The following TRIM9 variants were observed in gnomAD, a reference collection of about 807,000 sequenced individuals.
TRIM9 encodes E3 ubiquitin-protein ligase TRIM9.
A neutral mutation model predicts 78.3 loss-of-function variants in TRIM9; 26 were observed. The observed-to-expected ratio is 0.33, with a 90% CI of 0.24 to 0.46. TRIM9 has a LOEUF of 0.46. Among genes scored for constraint, TRIM9 ranks in the 20% least tolerant of loss-of-function variants. The probability of loss-of-function intolerance (pLI) is 1.00; values close to 1 mark genes in which losing one functional copy is unlikely to be tolerated. For synonymous variants in TRIM9, 398 were observed against 416.5 expected, an observed-to-expected ratio of 0.96 and a Z score of 0.54; for missense variants, 787 against 1,036.4, an observed-to-expected ratio of 0.76 and a Z score of 3.30.
At chr14:51,006,830 T>C (rs931517682) in intron 5 of TRIM9, among the ~76,000 whole-genome samples, 1 of 152,164 alleles carries the variant, frequency 6.6e-6, no homozygotes, top group Non-Finnish European at 1.5e-5. Context: ...GTGTGCAGAC[T>C]TGAACAGACT....
chr14:51,045,270 T>C (rs1382899301), intron 1 of TRIM9, among the ~76,000 whole-genome samples: 1 of 152,212 alleles, frequency 6.6e-6, no homozygotes, highest in Non-Finnish European at 1.5e-5. Flanking sequence ...GAGTGAGATA[T>C]CAGAGTCATC....
intron 1 of TRIM9, among the ~76,000 whole-genome samples, chr14:51,052,371 A>G (rs1284581628): frequency 1.3e-5 from 2 of 152,218 alleles, no homozygotes; most frequent in Non-Finnish European, 2.9e-5. Flanking sequence ...CACCTCTTCA[A>G]AAACCTTTTT....
chr14:51,047,928 C>T (rs1469214444), intron 1 of TRIM9, among the ~76,000 whole-genome samples: 1 of 150,872 alleles, frequency 6.6e-6, no homozygotes, highest in Non-Finnish European at 1.5e-5. Flanking sequence ...CCACTGCACT[C>T]CAACCTGGGC....
At chr14:51,061,359 GC>G (rs2061339705) in intron 1 of TRIM9, among the ~76,000 whole-genome samples, 1 of 148,740 alleles carries the variant, frequency 6.7e-6, no homozygotes, top group Admixed American at 6.7e-5. Flanking sequence ...GTTGCAGTGA[GC>G]CGAGATCACA....
At chr14:50,998,028 G>A in intron 7 of TRIM9, 22 bp downstream of exon 7, 1 of 1,613,978 alleles carries the variant, frequency 6.2e-7, no homozygotes, top group Non-Finnish European at 8.5e-7. Flanking sequence ...TCGCTCTGAG[G>A]GATACTGCTG....
chr14:50,977,512 CCTATGGTAA>C (rs1446956451), intron 12 of TRIM9, among the ~76,000 whole-genome samples, 159 bp from the exon 13 acceptor site: 2 of 152,192 alleles, frequency 1.3e-5, no homozygotes, highest in Non-Finnish European at 2.9e-5. Context: ...AAGAATCCTG[CCTATGGTAA>C]CAGGCTGCTC....
intron 7 of TRIM9, among the ~76,000 whole-genome samples, chr14:50,995,337 C>G (rs536223077): frequency 6.6e-6 from 1 of 152,198 alleles, no homozygotes; most frequent in Admixed American, 6.5e-5. Flanking sequence ...AGGCTTGTTT[C>G]CTTTTCTAGC....
chr14:51,045,826 A>G (rs2059908543), intron 1 of TRIM9, among the ~76,000 whole-genome samples: 1 of 152,146 alleles, frequency 6.6e-6, no homozygotes, highest in Non-Finnish European at 1.5e-5. Flanking sequence ...TTAAAGACAG[A>G]CCTCAATTCA....
intron 1 of TRIM9, among the ~76,000 whole-genome samples, chr14:51,028,322 G>A (rs923790489): frequency 2.0e-4 from 31 of 152,182 alleles, no homozygotes; most frequent in African/African-American, 7.5e-4. Flanking sequence ...TAGAAATTGA[G>A]GAGACAATGA....
At position 51,094,367 on chromosome 14, in the gene TRIM9, A is replaced by T; in HGVS notation, c.573T>A (p.Asp191Glu). Residue 191 changes from aspartate to glutamate, a missense_variant, in exon 1 of 13, where the codon GAT becomes GAA. Around this residue, in one of 3 missense-constraint regions of TRIM9, gnomAD observed 352 missense variants for 472.3 expected, o/e 0.75. Transcript: ENST00000684578. ...MCEQCDVFYC[D>E]PCRLRCHPPR... ...GCGGGTGGCAGCGCAGGCGGCACGG[A>T]TCGCAGTAGAAGACATCGCACTGTT... 2 of 1,613,768 alleles carry T rather than the reference A, an allele frequency of 1.2e-6. No homozygotes were observed. Among genetic ancestry groups the T allele is most frequent in the Non-Finnish European group, 1.7e-6 (2 of 1,179,942 alleles).
intron 4 of TRIM9, 117 bp from the exon 5 acceptor site, chr14:51,009,350 G>C (rs2056267217): frequency 4.0e-6 from 5 of 1,252,060 alleles, no homozygotes; most frequent in Non-Finnish European, 5.6e-6. Context: ...CTCATACTCT[G>C]ACTGCCTCAG....
chr14:51,000,280 A>G (rs1041630322), intron 6 of TRIM9, among the ~76,000 whole-genome samples: 1 of 152,242 alleles, frequency 6.6e-6, no homozygotes, highest in African/African-American at 2.4e-5. Context: ...CAGCATGCTA[A>G]GAATTTTGTA....
chr14:51,084,499 C>A (rs543164538), intron 1 of TRIM9, among the ~76,000 whole-genome samples: 30 of 152,240 alleles, frequency 2.0e-4, no homozygotes, highest in Middle Eastern at 3.4e-3. Context: ...AGCTGTTTAT[C>A]ATATTTCCTT....
chr14:51,041,419 A>T (rs374384976), intron 1 of TRIM9, among the ~76,000 whole-genome samples: 7 of 152,204 alleles, frequency 4.6e-5, no homozygotes, highest in African/African-American at 1.7e-4. Flanking sequence ...GCTGCAGCCC[A>T]CTCTGCTCCT....
chr14:51,009,769 C>T (rs1003141513), intron 4 of TRIM9, among the ~76,000 whole-genome samples: 1 of 152,198 alleles, frequency 6.6e-6, no homozygotes, highest in Non-Finnish European at 1.5e-5. Context: ...CGCTTTCTGT[C>T]ACTCTTAGCC....
intron 3 of TRIM9, among the ~76,000 whole-genome samples, chr14:51,015,672 C>T (rs1044084329): frequency 6.6e-6 from 1 of 151,694 alleles, no homozygotes; most frequent in African/African-American, 2.4e-5. Context: ...TGCTACCCCA[C>T]CTGGCTAATG....
chr14:51,067,616 T>A (rs946160851), intron 1 of TRIM9, among the ~76,000 whole-genome samples: 3 of 152,186 alleles, frequency 2.0e-5, no homozygotes, highest in Non-Finnish European at 4.4e-5. Flanking sequence ...GTCCCTTTCA[T>A]TCCTGCCTAA....
chr14:51,015,505 C>CTTTTTTTTTTTTTTTT lies in TRIM9; in HGVS notation c.1042-5027_1042-5012dup, dbSNP rs369652663. Among the ~76,000 whole-genome samples, 61 of 61,324 alleles carry CTTTTTTTTTTTTTTTT rather than the reference C, an allele frequency of 9.9e-4. 7 individuals are homozygous for CTTTTTTTTTTTTTTTT. The highest frequency in any genetic ancestry group is 3.3e-3 in the African/African-American group (48 of 14,666). 40.2% of individuals were successfully genotyped at this position (61,324 alleles called of 152,430 possible). On this transcript the variant is annotated intron_variant, in intron 3 of 12. Coordinates refer to ENST00000684578, the MANE Select transcript of TRIM9 (RefSeq NM_001387360.1). ...AATGCTTTTTTCTTTCTTTACTTTT[C>CTTTTTTTTTTTTTTTT]TTTTTTTTTTTTTTTTTTTTTTTTT...
intron 9 of TRIM9, among the ~76,000 whole-genome samples, 153 bp from the exon 10 acceptor site, chr14:50,983,118 C>T (rs762742245): frequency 3.3e-5 from 5 of 152,182 alleles, no homozygotes; most frequent in Admixed American, 6.5e-5. Context: ...TGACTTGTAC[C>T]TTTACCCACA....
Sources: allele counts gnomAD v4.1 joint callset (sites outside exome capture counted in the v4.1 genomes callset), GRCh38; gene constraint gnomAD v4.1.1; regional missense constraint gnomAD v4.1.1; transcripts MANE v1.5; gene names NCBI Gene and HGNC (gene_info 2026-07-23, HGNC 2026-07-21).